CLDN2: variants seen among roughly 807,000 people sequenced by gnomAD.
The protein encoded by CLDN2 is claudin-2.
Under a neutral mutation model 8.2 loss-of-function variants are expected in CLDN2, and 1 was observed. The ratio of observed to expected loss-of-function variants is 0.12; its 90% confidence interval spans 0.04 to 0.58. The LOEUF is 0.58. CLDN2 is among the 20% of genes least tolerant of loss of function. CLDN2 has a pLI of 0.90. For missense variants in CLDN2, 108 were observed against 172.9 expected, an observed-to-expected ratio of 0.62 and a Z score of 2.11; for synonymous variants, 70 against 70.2, an observed-to-expected ratio of 1.00 and a Z score of 0.01.
intron 1 of CLDN2, among the ~76,000 whole-genome samples, chrX:106,908,293 T>TG (rs1933205355): frequency 8.9e-6 from 1 of 111,925 alleles, no homozygotes; most frequent in South Asian, 3.7e-4. Flanking sequence ...TAGCCAAGTA[T>TG]GGTCTTCCTC....
intron 1 of CLDN2, among the ~76,000 whole-genome samples, chrX:106,904,372 C>T (rs1933152096): frequency 8.9e-6 from 1 of 112,610 alleles, no homozygotes; most frequent in East Asian, 2.8e-4. Flanking sequence ...TTCCTCCTGA[C>T]CTCAGTGTCC....
In CLDN2 at chrX:106,921,430, G is replaced by A. The variant is rs1436963053; in HGVS notation, c.-179+879G>A. Reference sequence around the variant, plus strand: ...AGCTGGAAGTGAGTTTCAGAGAAGGGGGCAAGTGTCTCAGATTCTTATGAG... The same window carrying A: ...AGCTGGAAGTGAGTTTCAGAGAAGGAGGCAAGTGTCTCAGATTCTTATGAG... On this transcript the variant is annotated intron_variant, in intron 1 of 1. Transcript: ENST00000336803. 2.7e-5 allele frequency among the ~76,000 whole-genome samples: 3 copies of A among 111,676 alleles called. No homozygotes were observed. In the East Asian group the frequency reaches 8.5e-4, roughly 32 times the overall value.
In CLDN2 at chrX:106,929,132, A is replaced by G. The variant is rs1602463797; in HGVS notation, c.*211A>G. On this transcript the variant is annotated 3_prime_UTR_variant, in exon 2 of 2. Transcript: ENST00000336803. The stretch of plus-strand genomic sequence containing the variant: ...AATTGCCAAGGATGCTCGCCATGCC[A>G]GCCTTTCTGTTTTCCTCACCTTGCT... 1.2e-5 allele frequency: 5 copies of G among 433,105 alleles called. No homozygotes were observed. The East Asian group carries it at 1.9e-4, about 16-fold the overall frequency. 35.7% of individuals were successfully genotyped at this position (433,105 alleles called of 1,213,427 possible).
intron 1 of CLDN2, among the ~76,000 whole-genome samples, chrX:106,903,845 T>C (rs1040322471): frequency 8.9e-6 from 1 of 112,099 alleles, no homozygotes. Flanking sequence ...TCATCTGGGT[T>C]AGGGAAAAAA....
chrX:106,917,825 T>C (rs939428875), upstream of CLDN2, among the ~76,000 whole-genome samples: 1 of 111,507 alleles, frequency 9.0e-6, no homozygotes, highest in Non-Finnish European at 1.9e-5. Context: ...TGCTATTCTT[T>C]CCTGTTCTTT....
chrX:106,909,894 C>T (rs1049971199), intron 1 of CLDN2, among the ~76,000 whole-genome samples: 2 of 111,327 alleles, frequency 1.8e-5, no homozygotes, highest in Admixed American at 9.5e-5. Context: ...CAGAACCTCT[C>T]GCAGCTCCCC....
chrX:106,902,313 A>T (rs1312844589), intron 1 of CLDN2: 4 of 686,875 alleles, frequency 5.8e-6, no homozygotes, highest in Admixed American at 2.9e-5. Flanking sequence ...CTCAGGTGCC[A>T]TCTGCTCCAG....
upstream of CLDN2, among the ~76,000 whole-genome samples, chrX:106,915,644 G>T (rs768428732): frequency 1.8e-5 from 2 of 111,166 alleles, no homozygotes; most frequent in East Asian, 5.7e-4. Context: ...TTCTTCTTAA[G>T]TCTGTGCATT....
At chrX:106,914,631 G>A (rs1360633517), upstream of CLDN2, among the ~76,000 whole-genome samples, 2 of 110,935 alleles carry the variant, frequency 1.8e-5, no homozygotes, top group Non-Finnish European at 3.8e-5. Context: ...TTTTTGTTTT[G>A]AAAACTATAA....
At chrX:106,903,293 G>T (rs992310080) in intron 1 of CLDN2, 1 of 1,190,912 alleles carries the variant, frequency 8.4e-7, no homozygotes, top group African/African-American at 1.8e-5. Context: ...TCCATTCTTA[G>T]GGGACCAAAG....
At chrX:106,909,280 G>C (rs1933217895) in intron 1 of CLDN2, among the ~76,000 whole-genome samples, 1 of 111,788 alleles carries the variant, frequency 8.9e-6, no homozygotes, top group African/African-American at 3.3e-5. Context: ...AACTTACCCA[G>C]GGTCACAGAG....
rs1036375477 is a variant in CLDN2, at chrX:106,901,647, A to G, written c.-179+1143A>G. ...GGTAAAATGATCTTGAAGAGACCTT[A>G]GACATCTCTGGGACCCAGCAACCCC... On this transcript the variant is annotated intron_variant, in intron 1 of 1. Coordinates refer to the CLDN2 transcript ENST00000541806. 31 of 801,184 alleles carry G rather than the reference A, an allele frequency of 3.9e-5. No individual in the cohort carries two copies. In the African/African-American group the frequency reaches 6.1e-4, roughly 16 times the overall value. 66.0% of individuals were successfully genotyped at this position (801,184 alleles called of 1,213,427 possible). A position where few individuals can be genotyped will look rare whatever the true frequency, so the allele number is the denominator to read the frequency against.
chrX:106,923,052 T>C (rs1290504991), intron 1 of CLDN2, among the ~76,000 whole-genome samples: 1 of 107,324 alleles, frequency 9.3e-6, no homozygotes, highest in Non-Finnish European at 1.9e-5. Context: ...CTCGGCTCAC[T>C]GCAACCTCCA....
intron 1 of CLDN2, chrX:106,901,583 G>A (rs1264022137): frequency 8.7e-7 from 1 of 1,146,441 alleles, no homozygotes; most frequent in Non-Finnish European, 1.2e-6. Context: ...TACATGGCTA[G>A]ATAACTTCCT....
intron 1 of CLDN2, among the ~76,000 whole-genome samples, chrX:106,924,805 A>T (rs1602461533): frequency 1.0e-5 from 1 of 97,077 alleles, no homozygotes; most frequent in African/African-American, 3.9e-5. Context: ...TCTTCCTCTG[A>T]TCCCCCATCT....
chrX:106,910,012 C>T, intron 1 of CLDN2, among the ~76,000 whole-genome samples: 1 of 111,560 alleles, frequency 9.0e-6, no homozygotes, highest in South Asian at 3.8e-4. Flanking sequence ...GGCTCCTTTC[C>T]TTCTCCGTCC....
chrX:106,902,396 TTGCTTTTATCA>T (rs1933115756), intron 1 of CLDN2, among the ~76,000 whole-genome samples: 1 of 112,293 alleles, frequency 8.9e-6, no homozygotes, highest in Admixed American at 9.4e-5. Flanking sequence ...AATGTTATTA[TTGCTTTTATCA>T]TGCTGTTTTG....
intron 1 of CLDN2, among the ~76,000 whole-genome samples, chrX:106,921,193 C>T (rs1435992823): frequency 8.9e-6 from 1 of 112,202 alleles, no homozygotes; most frequent in Non-Finnish European, 1.9e-5. Flanking sequence ...CTGTGTTTTC[C>T]AGTGTTCTAA....
chrX:106,901,913 C>T (rs1167016199), intron 1 of CLDN2, among the ~76,000 whole-genome samples: 5 of 111,979 alleles, frequency 4.5e-5, no homozygotes, highest in African/African-American at 1.6e-4. Flanking sequence ...GGCTGTGGGG[C>T]CTGCCCAGAT....
Sources: gnomAD v4.1 joint callset for allele counts (sites outside exome capture counted in the v4.1 genomes callset) on GRCh38, gnomAD v4.1.1 for gene constraint, MANE v1.5 for transcripts, NCBI Gene and HGNC (gene_info 2026-07-23, HGNC 2026-07-21) for gene names.